The following AGAP1 variants were observed in gnomAD, a reference collection of about 807,000 sequenced individuals.
AGAP1 encodes the protein arf-GAP with GTPase, ANK repeat and PH domain-containing protein 1.
A neutral mutation model predicts 105.3 loss-of-function variants in AGAP1; 29 were observed. That is an observed-to-expected ratio of 0.28 (90% CI 0.21 to 0.38). The LOEUF (loss-of-function observed/expected upper bound fraction) is 0.38. Ranked by LOEUF, AGAP1 falls within the 10% of genes least tolerant of loss-of-function variation. The pLI is 1.00. For synonymous variants in AGAP1, 509 were observed against 485.9 expected, an observed-to-expected ratio of 1.05 and a Z score of -0.63; for missense variants, 998 against 1,165.1, an observed-to-expected ratio of 0.86 and a Z score of 2.09.
chr2:235,542,403 C>T (rs1248422121), intron 1 of AGAP1, among the ~76,000 whole-genome samples: 1 of 152,212 alleles, frequency 6.6e-6, no homozygotes, highest in Admixed American at 6.5e-5. Flanking sequence ...CTGTTTGCTC[C>T]TGCAGCTTCA....
Position 235,828,009 on chromosome 2 carries a change from G to A in AGAP1, c.1050+20678G>A, listed in dbSNP as rs556182568. On this transcript the variant is annotated intron_variant, in intron 9 of 17. Coordinates refer to ENST00000304032, the MANE Select transcript of AGAP1 (RefSeq NM_001037131.3). ...TTGCCCAGCCACTGTGGGTCCTGAC[G>A]GTGCAGTAGGGGCTGCATTTTGACA... Among the ~76,000 whole-genome samples, 16 of 152,314 alleles carry A rather than the reference G, an allele frequency of 1.1e-4. No individual in the cohort carries two copies. The East Asian group carries it at 1.9e-3, about 18-fold the overall frequency.
intron 13 of AGAP1, among the ~76,000 whole-genome samples, chr2:236,024,204 T>A (rs994436840): frequency 3.9e-5 from 6 of 152,048 alleles, no homozygotes; most frequent in East Asian, 1.9e-4. Flanking sequence ...CTAATTTTTT[T>A]AATTTATATT....
rs1021696100 is a variant in AGAP1 at position 235,721,554 on chromosome 2, G to A, written c.310+3910G>A. 6.6e-6 allele frequency among the ~76,000 whole-genome samples: 1 copy of A among 152,050 alleles called. No individual in the cohort carries two copies. The highest frequency in any genetic ancestry group is 1.5e-5 in the Non-Finnish European group (1 of 68,012). On this transcript the variant is annotated intron_variant, in intron 3 of 17. Coordinates refer to ENST00000304032, the MANE Select transcript of AGAP1 (RefSeq NM_001037131.3). This position sits in a 1 kb window ranked among gnomAD's most constrained non-coding sequence, Gnocchi z 4.5. ...TGTGTACTTCAGTCCTAGCACTGTAGTAACGAACTGCCACACACAGTGTGG... is the reference window on the plus strand; with the variant it reads ...TGTGTACTTCAGTCCTAGCACTGTAATAACGAACTGCCACACACAGTGTGG...
chr2:235,543,666 C>G (rs1442880910), intron 1 of AGAP1, among the ~76,000 whole-genome samples: 1 of 152,124 alleles, frequency 6.6e-6, no homozygotes, highest in Non-Finnish European at 1.5e-5. Context: ...GGGGGTTGAC[C>G]TCACTCTCCA....
rs957670577 is a variant in AGAP1 at position 235,550,688 on chromosome 2, C to T, written c.163+55839C>T. Reference sequence around the variant, plus strand: ...CACCTGAGGCGTGGGGATCTCCGGGCATGATGCGGAATGTAGTGACGATCG... The same window carrying T: ...CACCTGAGGCGTGGGGATCTCCGGGTATGATGCGGAATGTAGTGACGATCG... On this transcript the variant is annotated intron_variant, in intron 1 of 17. Transcript: ENST00000304032. The surrounding 1 kb of genome is among the most constrained non-coding windows in gnomAD (Gnocchi z 4.6). Among the ~76,000 whole-genome samples, 2 of 152,200 alleles carry T rather than the reference C, an allele frequency of 1.3e-5. No homozygotes were observed. The highest frequency in any genetic ancestry group is 4.8e-5 in the African/African-American group (2 of 41,454).
Position 235,817,214 on chromosome 2 carries a change from C to G in AGAP1, c.1050+9883C>G, listed in dbSNP as rs201238469. Among the ~76,000 whole-genome samples the G allele has an allele frequency of 6.6e-5, 10 of 152,112 alleles. No individual in the cohort carries two copies. The East Asian group carries it at 2.0e-3, about 30-fold the overall frequency. ...CCAGACACATTTTCCCAGAAATGGTCAGGAAGGCCCAGACTGTGCACTCTG... is the reference window on the plus strand; with the variant it reads ...CCAGACACATTTTCCCAGAAATGGTGAGGAAGGCCCAGACTGTGCACTCTG... On this transcript the variant is annotated intron_variant, in intron 9 of 17. Coordinates refer to ENST00000304032, the MANE Select transcript of AGAP1 (RefSeq NM_001037131.3).
At chr2:236,086,717 T>C (rs963623863) in intron 16 of AGAP1, among the ~76,000 whole-genome samples, 2 of 152,178 alleles carry the variant, frequency 1.3e-5, no homozygotes, top group Non-Finnish European at 2.9e-5. Flanking sequence ...AAATTCTTGG[T>C]CAGGAATGAG....
At chr2:235,497,720 G>A (rs1467232401) in intron 1 of AGAP1, among the ~76,000 whole-genome samples, 2 of 152,140 alleles carry the variant, frequency 1.3e-5, no homozygotes, top group Non-Finnish European at 2.9e-5. Flanking sequence ...TCAGCCTCCC[G>A]AGTAGCTGGG....
At chr2:235,858,002 T>C (rs10208161) in intron 9 of AGAP1, among the ~76,000 whole-genome samples, 87,965 of 151,968 alleles carry the variant, frequency 0.58, 25,797 homozygotes, top group East Asian at 0.82. Context: ...GGAGAGTTTA[T>C]GAGATACACC....
rs1944091707 is a variant in AGAP1, at chr2:235,559,858, G to T, written c.163+65009G>T. Among the ~76,000 whole-genome samples the T allele has an allele frequency of 6.6e-6, 1 of 151,808 alleles. No individual in the cohort carries two copies. Among genetic ancestry groups the T allele is most frequent in the Non-Finnish European group, 1.5e-5 (1 of 67,980 alleles). On this transcript the variant is annotated intron_variant, in intron 1 of 17. Coordinates refer to ENST00000304032, the MANE Select transcript of AGAP1 (RefSeq NM_001037131.3). The surrounding 1 kb of genome is among the most constrained non-coding windows in gnomAD (Gnocchi z 5.7). ...AATTGAGTCTTTTTATTGTTGAGTG[G>T]TTGGAGTTATTTATGGATTCTGGAT... is the stretch of plus-strand genomic sequence containing the variant.
rs1040811443 is a variant in AGAP1, at chr2:235,905,741, C to G, written c.1156-2997C>G. On this transcript the variant is annotated intron_variant, in intron 10 of 17. Coordinates refer to ENST00000304032, the MANE Select transcript of AGAP1 (RefSeq NM_001037131.3). The surrounding 1 kb of genome is among the most constrained non-coding windows in gnomAD (Gnocchi z 4.2). ...CTTGAACTCCTGACCTCAAGTGATC[C>G]ACTCTCCTCGGCCTCCCAGAGTGCT... 2.0e-5 allele frequency among the ~76,000 whole-genome samples: 3 copies of G among 152,178 alleles called. No homozygotes were observed. The highest frequency in any genetic ancestry group is 7.2e-5 in the African/African-American group (3 of 41,440).
chr2:235,632,395 C>A (rs1056695709), intron 1 of AGAP1, among the ~76,000 whole-genome samples: 1 of 152,168 alleles, frequency 6.6e-6, no homozygotes, highest in Non-Finnish European at 1.5e-5. Context: ...TCTCAGCCTC[C>A]CCTCTGCCTG....
At position 235,682,797 on chromosome 2, in the gene AGAP1, C is replaced by CGTGTGTGTGTGTGTGTGTGTGTGTGTGT. The variant is rs71064869; in HGVS notation, c.164-26360_164-26359insGTGTGTGTGTGTGTGTGTGTGTGTGTGT. On this transcript the variant is annotated intron_variant, in intron 1 of 17. Coordinates refer to ENST00000304032, the MANE Select transcript of AGAP1 (RefSeq NM_001037131.3). ...AACTCGATGTGTGGGTGTGTGCACA[C>CGTGTGTGTGTGTGTGTGTGTGTGTGTGT]GTGTGTGTGTGTGTGTGTGTGTTTT... 5.6e-4 allele frequency among the ~76,000 whole-genome samples: 84 copies of CGTGTGTGTGTGTGTGTGTGTGTGTGTGT among 149,564 alleles called. 1 individual carries two copies. Among genetic ancestry groups the CGTGTGTGTGTGTGTGTGTGTGTGTGTGT allele is most frequent in the African/African-American group, 2.0e-3 (82 of 40,302 alleles).
chr2:235,971,042 G>A lies in AGAP1; in HGVS notation c.1645+2419G>A, dbSNP rs933489914. ...AGGTGTCTCAAACATGGATGTGTAA[G>A]CGGGTGACGTGTGTTTGGAAGTCCA... On this transcript the variant is annotated intron_variant, in intron 13 of 17. Coordinates refer to ENST00000304032, the MANE Select transcript of AGAP1 (RefSeq NM_001037131.3). The surrounding 1 kb of genome is among the most constrained non-coding windows in gnomAD (Gnocchi z 4.8). Among the ~76,000 whole-genome samples, 2 of 152,192 alleles carry A rather than the reference G, an allele frequency of 1.3e-5. No individual in the cohort carries two copies. The highest frequency in any genetic ancestry group is 6.5e-5 in the Admixed American group (1 of 15,286).
chr2:235,694,889 T>TG (rs984915431), intron 1 of AGAP1, among the ~76,000 whole-genome samples: 6 of 152,172 alleles, frequency 3.9e-5, no homozygotes, highest in Admixed American at 1.3e-4. Flanking sequence ...CCAGGATGCA[T>TG]GGGGGGTTCC....
rs1024098318 is a variant in AGAP1, at chr2:236,073,383, T to C, written c.2114+24102T>C. 6.6e-6 allele frequency among the ~76,000 whole-genome samples: 1 copy of C among 152,192 alleles called. No individual in the cohort carries two copies. The highest frequency in any genetic ancestry group is 1.5e-5 in the Non-Finnish European group (1 of 68,042). On this transcript the variant is annotated intron_variant, in intron 16 of 17. Transcript: ENST00000304032. This position sits in a 1 kb window ranked among gnomAD's most constrained non-coding sequence, Gnocchi z 5.4. The stretch of plus-strand genomic sequence containing the variant: ...ATTAGGACTAGCCACGTTTCAAGCA[T>C]CTGATGGCCACATGTGGCCCATGTT...
At chr2:235,743,768 C>A (rs958922232) in intron 4 of AGAP1, among the ~76,000 whole-genome samples, 6 of 152,204 alleles carry the variant, frequency 3.9e-5, no homozygotes, top group African/African-American at 1.4e-4. Context: ...TTAGGGAAAG[C>A]AGACGGGATG....
chr2:235,502,465 A>C (rs1258212302), intron 1 of AGAP1, among the ~76,000 whole-genome samples: 1 of 152,116 alleles, frequency 6.6e-6, no homozygotes, highest in Non-Finnish European at 1.5e-5. Flanking sequence ...ACTTGCCACC[A>C]GTCCCAAACA....
chr2:235,807,224 C>T lies in AGAP1; in HGVS notation c.958-15C>T. On this transcript the variant is annotated splice_polypyrimidine_tract_variant and intron_variant, in intron 8 of 17. Transcript: ENST00000304032. ...CAGCCCTTACCCAGATGCCAACTTT[C>T]CTTTTGCTTTGCAGTCTCGGAAAGG... The T allele has an allele frequency of 6.2e-7, 1 of 1,608,968 alleles. No homozygotes were observed. The highest frequency in any genetic ancestry group is 8.5e-7 in the Non-Finnish European group (1 of 1,178,732).
Sources: allele counts gnomAD v4.1 joint callset (sites outside exome capture counted in the v4.1 genomes callset), GRCh38; gene constraint gnomAD v4.1.1; non-coding constraint Gnocchi (gnomAD v3.1); transcripts MANE v1.5; gene names NCBI Gene and HGNC (gene_info 2026-07-23, HGNC 2026-07-21).